Variants in PTPRQ observed in about 807,000 individuals in gnomAD.
The protein encoded by PTPRQ is protein tyrosine phosphatase receptor type Q.
A neutral mutation model predicts 246.0 loss-of-function variants in PTPRQ; 199 were observed. That is an observed-to-expected ratio of 0.81 (90% CI 0.72 to 0.91). The LOEUF (loss-of-function observed/expected upper bound fraction) is 0.91, where lower values mean the gene tolerates loss of function less well. PTPRQ is among the 40% of genes least tolerant of loss of function. The pLI, the probability that PTPRQ is intolerant of heterozygous loss-of-function variation, is 0.00. For missense variants in PTPRQ, 2,624 were observed against 2,528.4 expected, an observed-to-expected ratio of 1.04 and a Z score of -0.81; for synonymous variants, 869 against 853.2, an observed-to-expected ratio of 1.02 and a Z score of -0.32.
intron 17 of PTPRQ, among the ~76,000 whole-genome samples, chr12:80,517,577 A>T (rs1312811674): frequency 6.6e-6 from 1 of 151,910 alleles, no homozygotes; most frequent in African/African-American, 2.4e-5. Context: ...ACCCTGTTGC[A>T]CTGTCAAATA....
In PTPRQ at chr12:80,541,574, A is replaced by C; in HGVS notation, c.3174A>C (p.Gly1058=). 41 of 1,530,954 alleles carry C rather than the reference A, an allele frequency of 2.7e-5. No individual in the cohort carries two copies. The highest frequency in any genetic ancestry group is 3.6e-5 in the Non-Finnish European group (41 of 1,136,618). The allele number at this position is 1,530,954 out of a possible 1,614,324, so 94.8% of individuals were successfully genotyped here. Residue 1058 remains glycine, a synonymous_variant, in exon 21 of 45, where the codon GGA becomes GGC. Coordinates refer to ENST00000644991, the MANE Select transcript of PTPRQ (RefSeq NM_001145026.2). ...TCATAGTACCTGAAGGGTTTGTTGG[A>C]AACCTGACTTACGAATCCATTTCGT... The part of the protein sequence containing the change: ...TDQDIPEGFV[G]NLTYESISST...
chr12:80,670,618 T>G, intron 42 of PTPRQ, 126 bp downstream of exon 42: 1 of 1,342,808 alleles, frequency 7.4e-7, no homozygotes, highest in African/African-American at 1.5e-5. Context: ...AGATTTCACA[T>G]TTAGCATTTC....
intron 17 of PTPRQ, among the ~76,000 whole-genome samples, chr12:80,532,616 C>G (rs566417011): frequency 3.3e-5 from 5 of 152,106 alleles, no homozygotes; most frequent in Non-Finnish European, 7.4e-5. Context: ...TAGGTAGTTT[C>G]TATGAAAAGG....
intron 3 of PTPRQ, among the ~76,000 whole-genome samples, chr12:80,449,035 T>C (rs992158830): frequency 3.3e-5 from 5 of 151,834 alleles, no homozygotes; most frequent in African/African-American, 7.2e-5. Flanking sequence ...CTCCAGCACT[T>C]GTTCTTTCCT....
chr12:80,467,174 A>G (rs571708452), intron 6 of PTPRQ, among the ~76,000 whole-genome samples: 3 of 152,246 alleles, frequency 2.0e-5, no homozygotes, highest in African/African-American at 7.2e-5. Context: ...AAAGCAAAGA[A>G]CCCCATCAAA....
At chr12:80,628,960 T>C (rs1669224482) in intron 33 of PTPRQ, among the ~76,000 whole-genome samples, 1 of 152,022 alleles carries the variant, frequency 6.6e-6, no homozygotes, top group Non-Finnish European at 1.5e-5. Flanking sequence ...ACAATAGAAG[T>C]TTATTTCCTC....
At chr12:80,564,883 G>C (rs1476127447) in intron 25 of PTPRQ, among the ~76,000 whole-genome samples, 1 of 152,136 alleles carries the variant, frequency 6.6e-6, no homozygotes, top group Non-Finnish European at 1.5e-5. Context: ...CAGACATTAT[G>C]AAGTAGGGAA....
chr12:80,453,108 C>T (rs1331773936), intron 3 of PTPRQ, among the ~76,000 whole-genome samples: 1 of 152,104 alleles, frequency 6.6e-6, no homozygotes, highest in Non-Finnish European at 1.5e-5. Flanking sequence ...CACTTCATTT[C>T]ATTCATTTCA....
At chr12:80,560,142 C>T (rs1214594312) in intron 25 of PTPRQ, among the ~76,000 whole-genome samples, 2 of 152,216 alleles carry the variant, frequency 1.3e-5, no homozygotes, top group Non-Finnish European at 2.9e-5. Flanking sequence ...GGCCTGGCCA[C>T]ATGCTTACCT....
intron 39 of PTPRQ, among the ~76,000 whole-genome samples, chr12:80,660,749 A>G (rs540941679): frequency 6.6e-6 from 1 of 152,230 alleles, no homozygotes; most frequent in Admixed American, 6.6e-5. Flanking sequence ...ACAGAGCATT[A>G]TAATACTAAA....
intron 29 of PTPRQ, among the ~76,000 whole-genome samples, chr12:80,614,976 C>T (rs931591495): frequency 2.7e-5 from 4 of 150,764 alleles, no homozygotes; most frequent in Admixed American, 1.3e-4. Flanking sequence ...TCCTTAAAAC[C>T]TTGAAGTTTG....
At chr12:80,630,065 TAAC>T (rs975491691) in intron 33 of PTPRQ, among the ~76,000 whole-genome samples, 7 of 152,200 alleles carry the variant, frequency 4.6e-5, no homozygotes, top group African/African-American at 1.2e-4. Flanking sequence ...TGATTAAACT[TAAC>T]AATAAATTAT....
chr12:80,514,402 A>ACACACACACACACACACACTCTCT (rs552667526), intron 17 of PTPRQ, among the ~76,000 whole-genome samples: 2,366 of 112,912 alleles, frequency 0.021, 53 homozygotes, highest in Admixed American at 0.032. Flanking sequence ...ACACACACAC[A>ACACACACACACACACACACTCTCT]CTCTCTCTCT....
intron 15 of PTPRQ, 140 bp from the exon 16 acceptor site, chr12:80,506,429 C>T: frequency 1.2e-6 from 1 of 810,018 alleles, no homozygotes; most frequent in Non-Finnish European, 1.9e-6. Context: ...TAAATAAGAG[C>T]TACTATTGCC....
chr12:80,615,338 G>T (rs958208928), intron 29 of PTPRQ, among the ~76,000 whole-genome samples: 3 of 150,962 alleles, frequency 2.0e-5, no homozygotes, highest in African/African-American at 4.8e-5. Flanking sequence ...AGTATCTAGA[G>T]TGTGGGAGGG....
At chr12:80,633,071 C>T (rs7297819) in intron 34 of PTPRQ, among the ~76,000 whole-genome samples, 4 of 152,076 alleles carry the variant, frequency 2.6e-5, no homozygotes, top group East Asian at 1.9e-4. Context: ...GCCTCACTTT[C>T]GGCCGGCTGG....
At chr12:80,608,404 T>G (rs938760027) in intron 27 of PTPRQ, among the ~76,000 whole-genome samples, 6 of 150,564 alleles carry the variant, frequency 4.0e-5, no homozygotes, top group Admixed American at 1.3e-4. Flanking sequence ...AATGATGATC[T>G]TTTGTACTGC....
chr12:80,542,111 C>A lies in PTPRQ; in HGVS notation c.3468C>A (p.Ile1156=). 1.3e-6 allele frequency: 2 copies of A among 1,548,494 alleles called. No individual in the cohort carries two copies. The highest frequency in any genetic ancestry group is 1.7e-6 in the Non-Finnish European group (2 of 1,146,168). ...TAGTCCCAGAAACTTCACCAATAATCAACACTTTTAAAAACCTTTCCTCTA... is the reference window on the plus strand; with the variant it reads ...TAGTCCCAGAAACTTCACCAATAATAAACACTTTTAAAAACCTTTCCTCTA... ...EEDVPETSPI[I]NTFKNLSSTS... The change falls in exon 22 of 45, where the codon ATC becomes ATA. Residue 1156 remains isoleucine, a synonymous_variant. Coordinates refer to ENST00000644991, the MANE Select transcript of PTPRQ (RefSeq NM_001145026.2).
At chr12:80,484,331 T>G (rs946570917) in intron 8 of PTPRQ, 102 bp from the exon 9 acceptor site, 12 of 1,335,446 alleles carry the variant, frequency 9.0e-6, no homozygotes, top group Non-Finnish European at 1.2e-5. Context: ...ATAGAATTGT[T>G]TATATATCTT....
Sources: allele counts gnomAD v4.1 joint callset (sites outside exome capture counted in the v4.1 genomes callset), GRCh38; gene constraint gnomAD v4.1.1; transcripts MANE v1.5; gene names NCBI Gene and HGNC (gene_info 2026-07-23, HGNC 2026-07-21).